The following KIAA1958 variants were observed in gnomAD, a reference collection of about 807,000 sequenced individuals.
KIAA1958 encodes KIAA1958, also known as uncharacterized protein KIAA1958.
A neutral mutation model predicts 47.2 loss-of-function variants in KIAA1958; 14 were observed. The observed-to-expected ratio is 0.30, with a 90% CI of 0.20 to 0.46. KIAA1958 has a LOEUF of 0.46. KIAA1958 is among the 20% of genes least tolerant of loss of function. The pLI, the probability that KIAA1958 is intolerant of heterozygous loss-of-function variation, is 1.00. For missense variants in KIAA1958, 803 were observed against 909.2 expected (o/e 0.88, Z 1.50); for synonymous variants, 354 against 353.3 (o/e 1.00, Z -0.02).
chr9:112,637,527 G>A (rs117000842), intron 2 of KIAA1958, among the ~76,000 whole-genome samples: 2,266 of 152,006 alleles, frequency 0.015, 38 homozygotes, highest in Middle Eastern at 0.02. Flanking sequence ...ACAGGTGCCC[G>A]TGACCACGCC....
intron 2 of KIAA1958, among the ~76,000 whole-genome samples, chr9:112,599,089 A>G (rs1272173818): frequency 6.6e-6 from 1 of 152,184 alleles, no homozygotes; most frequent in East Asian, 1.9e-4. Context: ...AAGGAAAGTA[A>G]TATTTTAAAT....
Position 112,666,039 on chromosome 9 carries a change from G to A in KIAA1958, c.*5970G>A, listed in dbSNP as rs1020452323. 33 of 151,218 alleles carry A rather than the reference G, an allele frequency of 2.2e-4. 1 individual carries two copies. Among genetic ancestry groups the A allele is most frequent in the Non-Finnish European group, 1.9e-4 (13 of 67,904 alleles). 9.4% of individuals were successfully genotyped at this position (151,218 alleles called of 1,614,324 possible). ...GTCTCACTCTGTTGCCCAGGCTGGA[G>A]TGCAGTGGTGCAATCTCTGCCTCCT... On this transcript the variant is annotated 3_prime_UTR_variant, in exon 4 of 4. Transcript: ENST00000337530.
rs35640010 is a variant in KIAA1958 at position 112,626,823 on chromosome 9, CA to C, written c.1172-18814del. 5.7e-3 allele frequency among the ~76,000 whole-genome samples: 766 copies of C among 133,868 alleles called. 8 individuals are homozygous for C. Among genetic ancestry groups the C allele is most frequent in the South Asian group, 0.035 (154 of 4,344 alleles). The allele number at this position is 133,868 out of a possible 152,430, so 87.8% of individuals were successfully genotyped here. ...CTTTTGTTTTATAAAGCATTTGTTA[CA>C]AAAAAAAAAAAACACCTTGCCAAAA... On this transcript the variant is annotated intron_variant, in intron 2 of 3. Coordinates refer to ENST00000337530, the MANE Select transcript of KIAA1958 (RefSeq NM_133465.4).
intron 1 of KIAA1958, among the ~76,000 whole-genome samples, chr9:112,547,631 A>C (rs1835062984): frequency 6.6e-6 from 1 of 152,156 alleles, no homozygotes; most frequent in Non-Finnish European, 1.5e-5. Context: ...CCAACACGAC[A>C]GAAGGCGCTG....
chr9:112,570,547 CT>C (rs1176799809), intron 1 of KIAA1958, among the ~76,000 whole-genome samples: 4 of 152,314 alleles, frequency 2.6e-5, no homozygotes, highest in African/African-American at 9.6e-5. Flanking sequence ...AGCTTTTAAA[CT>C]TTTATCTTTC....
chr9:112,550,038 G>A (rs1282663020), intron 1 of KIAA1958, among the ~76,000 whole-genome samples: 2 of 152,172 alleles, frequency 1.3e-5, no homozygotes, highest in Non-Finnish European at 2.9e-5. Flanking sequence ...TTGGCTAACT[G>A]GACTGAGTTT....
chr9:112,590,364 T>C (rs943761527), intron 2 of KIAA1958, among the ~76,000 whole-genome samples: 1 of 151,402 alleles, frequency 6.6e-6, no homozygotes, highest in Non-Finnish European at 1.5e-5. Flanking sequence ...TTTTTTTTTT[T>C]TTTTGAGACG....
At chr9:112,532,237 AG>A (rs1246828276) in intron 1 of KIAA1958, among the ~76,000 whole-genome samples, 3 of 152,180 alleles carry the variant, frequency 2.0e-5, no homozygotes, top group Non-Finnish European at 4.4e-5. Context: ...AGTTTACAAA[AG>A]ATATATTCCA....
At chr9:112,589,713 G>A (rs1835886391) in intron 2 of KIAA1958, among the ~76,000 whole-genome samples, 1 of 152,220 alleles carries the variant, frequency 6.6e-6, no homozygotes, top group African/African-American at 2.4e-5. Flanking sequence ...AAGTTGATTG[G>A]CAGGGCTGCC....
intron 1 of KIAA1958, among the ~76,000 whole-genome samples, chr9:112,546,755 T>C (rs1173257831): frequency 6.6e-6 from 1 of 152,084 alleles, no homozygotes; most frequent in Non-Finnish European, 1.5e-5. Flanking sequence ...CTATGTCCTC[T>C]CTTACCTGGA....
At chr9:112,647,592 CAT>C (rs1347986870) in intron 3 of KIAA1958, among the ~76,000 whole-genome samples, 1 of 152,134 alleles carries the variant, frequency 6.6e-6, no homozygotes, top group Non-Finnish European at 1.5e-5. Context: ...TATATGAAAA[CAT>C]ATAGAAATAC....
In KIAA1958 at chr9:112,618,505, C is replaced by A. The variant is rs142182888; in HGVS notation, c.1172-27145C>A. 2.7e-5 allele frequency: 42 copies of A among 1,550,738 alleles called. No homozygotes were observed. The highest frequency in any genetic ancestry group is 3.5e-5 in the Non-Finnish European group (40 of 1,147,026). ...CCAAAACCAAGAGAGGGGGGACAGA[C>A]TCCCGTGTGTATGCCACCCAGCACG... On this transcript the variant is annotated intron_variant, in intron 2 of 3. Transcript: ENST00000337530. The surrounding 1 kb of genome is among the most constrained non-coding windows in gnomAD (Gnocchi z 7.1).
At position 112,666,299 on chromosome 9, in the gene KIAA1958, T is replaced by C. The variant is rs1200501671; in HGVS notation, c.*6230T>C. ...CCTTTATCGGGGCATATTTATTTTC[T>C]CTTTGGAGACTTACAAAGCAATAGG... is the stretch of plus-strand genomic sequence containing the variant. On this transcript the variant is annotated 3_prime_UTR_variant, in exon 4 of 4. Coordinates refer to ENST00000337530, the MANE Select transcript of KIAA1958 (RefSeq NM_133465.4). 6.6e-6 allele frequency: 1 copy of C among 152,208 alleles called. No homozygotes were observed. Among genetic ancestry groups the C allele is most frequent in the African/African-American group, 2.4e-5 (1 of 41,456 alleles). The allele number at this position is 152,208 out of a possible 1,614,324, so 9.4% of individuals were successfully genotyped here.
chr9:112,516,275 C>A, intron 1 of KIAA1958, among the ~76,000 whole-genome samples: 1 of 24,952 alleles, frequency 4.0e-5, no homozygotes. Context: ...GAGACCTCAT[C>A]TCTTAAAAAA....
In KIAA1958 at chr9:112,621,515, A is replaced by G. The variant is rs551587340; in HGVS notation, c.1172-24135A>G. Among the ~76,000 whole-genome samples the G allele has an allele frequency of 1.1e-3, 169 of 152,350 alleles. 1 individual carries two copies. The highest frequency in any genetic ancestry group is 3.8e-3 in the African/African-American group (157 of 41,582). On this transcript the variant is annotated intron_variant, in intron 2 of 3. Coordinates refer to ENST00000337530, the MANE Select transcript of KIAA1958 (RefSeq NM_133465.4). ...TGTGAAAGCAGAACTAGAAAATGTC[A>G]GTTCCCTATCTGTGTTTATTAAGGT...
Position 112,626,414 on chromosome 9 carries a change from A to G in KIAA1958, c.1172-19236A>G, listed in dbSNP as rs1029605076. Among the ~76,000 whole-genome samples the G allele has an allele frequency of 5.9e-5, 9 of 152,126 alleles. No individual in the cohort carries two copies. The East Asian group carries it at 1.5e-3, about 26-fold the overall frequency. On this transcript the variant is annotated intron_variant, in intron 2 of 3. Transcript: ENST00000337530. ...TAATGTTGAATTATGTTAGACTTCT[A>G]ATGTTTGTCTTGATATTACACTGGA...
chr9:112,593,950 G>A (rs937312227), intron 2 of KIAA1958, among the ~76,000 whole-genome samples: 8 of 152,028 alleles, frequency 5.3e-5, no homozygotes, highest in Non-Finnish European at 1.0e-4. Context: ...CTACAGCCTC[G>A]AGCTCCTGGG....
At chr9:112,593,816 A>T (rs1835967026) in intron 2 of KIAA1958, among the ~76,000 whole-genome samples, 1 of 151,662 alleles carries the variant, frequency 6.6e-6, no homozygotes, top group Non-Finnish European at 1.5e-5. Flanking sequence ...CTCAAGCACC[A>T]ACTGCAAGGG....
chr9:112,555,846 G>A (rs1322966004), intron 1 of KIAA1958, among the ~76,000 whole-genome samples: 3 of 152,134 alleles, frequency 2.0e-5, no homozygotes, highest in Admixed American at 6.5e-5. Context: ...AGGCCAAGGC[G>A]GGCAGATCAC....
Sources: gnomAD v4.1 joint callset for allele counts (sites outside exome capture counted in the v4.1 genomes callset) on GRCh38, gnomAD v4.1.1 for gene constraint, Gnocchi (gnomAD v3.1) non-coding constraint, MANE v1.5 for transcripts, NCBI Gene and HGNC (gene_info 2026-07-23, HGNC 2026-07-21) for gene names.